Variants in BRCA2 observed in about 807,000 individuals in gnomAD.
The protein encoded by BRCA2 is BRCA2 DNA repair associated.
In BRCA2, 203 loss-of-function variants were observed where a neutral mutation model predicts 276.7. The ratio of observed to expected loss-of-function variants is 0.73; its 90% CI spans 0.65 to 0.82. The LOEUF is 0.82. Ranked by LOEUF, BRCA2 falls within the 40% of genes least tolerant of loss-of-function variation. The pLI, the probability that BRCA2 is intolerant of heterozygous loss-of-function variation, is 0.00. For missense variants in BRCA2, 3,920 were observed against 3,915.0 expected, an observed-to-expected ratio of 1.00 and a Z score of -0.03; for synonymous variants, 1,289 against 1,338.4, an observed-to-expected ratio of 0.96 and a Z score of 0.81.
chr13:32,331,175 C>T, intron 9 of BRCA2, 145 bp downstream of exon 9: 5 of 656,206 alleles, frequency 7.6e-6, no homozygotes, highest in Non-Finnish European at 1.4e-5. Context: ...CCTGCCTCAG[C>T]TTGCCAAGTA....
intron 25 of BRCA2, chr13:32,395,978 T>C (rs1442215183): frequency 1.5e-5 from 4 of 260,110 alleles, no homozygotes; most frequent in South Asian, 6.9e-5. Context: ...TTTTTTTTTT[T>C]TTTTTTTTTT....
chr13:32,391,349 G>A (rs1042385490), intron 24 of BRCA2, among the ~76,000 whole-genome samples: 2 of 152,196 alleles, frequency 1.3e-5, no homozygotes, highest in South Asian at 2.1e-4. Context: ...GTCCCACAGG[G>A]ACTTCTGGAG....
chr13:32,335,675 T>TA (rs1397519907), intron 10 of BRCA2, among the ~76,000 whole-genome samples: 1 of 152,174 alleles, frequency 6.6e-6, no homozygotes, highest in African/African-American at 2.4e-5. Context: ...GAGTTTTTTT[T>TA]ATGGTAGCTA....
intron 24 of BRCA2, among the ~76,000 whole-genome samples, chr13:32,390,806 C>A (rs939011429): frequency 6.6e-6 from 1 of 152,192 alleles, no homozygotes; most frequent in Non-Finnish European, 1.5e-5. Context: ...GTTTGGATTT[C>A]TACTTCCACT....
In BRCA2 at chr13:32,379,381, A is replaced by G. The variant is rs200157227; in HGVS notation, c.8819A>G (p.Lys2940Arg). The G allele has an allele frequency of 6.2e-7, 1 of 1,613,952 alleles. No homozygotes were observed. Among genetic ancestry groups the G allele is most frequent in the Non-Finnish European group, 8.5e-7 (1 of 1,179,898 alleles). ...CACAGGCAAATGTTGAATGATAAGAAACAAGCTCAGATCCAGTTGGAAATT... is the reference window on the plus strand; with the variant it reads ...CACAGGCAAATGTTGAATGATAAGAGACAAGCTCAGATCCAGTTGGAAATT... ...NNHRQMLNDKKQAQIQLEIRK... is the reference protein window; with the variant it reads ...NNHRQMLNDKRQAQIQLEIRK... The change falls in exon 22 of 27, where the codon AAA (lysine) becomes AGA (arginine). Residue 2940 changes from lysine (K) to arginine (R), a missense_variant. Physicochemically the swap from Lys to Arg is conservative, Grantham distance 26. Transcript: ENST00000380152.
intron 21 of BRCA2, 133 bp from the exon 22 acceptor site, chr13:32,379,184 T>C (rs1051395486): frequency 2.6e-6 from 2 of 771,682 alleles, no homozygotes; most frequent in African/African-American, 3.5e-5. Context: ...TGTGAGAAAC[T>C]GATTACATTA....
chr13:32,326,762 A>G, intron 7 of BRCA2, 149 bp downstream of exon 7: 1 of 655,378 alleles, frequency 1.5e-6, no homozygotes, highest in Non-Finnish European at 2.6e-6. Context: ...ATTTTATTCT[A>G]TTAAGTGTAG....
intron 11 of BRCA2, 134 bp from the exon 12 acceptor site, chr13:32,344,424 C>G: frequency 1.7e-6 from 1 of 603,424 alleles, no homozygotes; most frequent in Non-Finnish European, 3.0e-6. Context: ...CATTAGGTCA[C>G]TATTTGTTGT....
At chr13:32,342,979 G>A (rs1053746556) in intron 11 of BRCA2, among the ~76,000 whole-genome samples, 3 of 151,938 alleles carry the variant, frequency 2.0e-5, no homozygotes, top group Non-Finnish European at 4.4e-5. Flanking sequence ...AACCCTGGAG[G>A]CAGAGATTTC....
At chr13:32,387,513 C>T (rs1566256369) in intron 24 of BRCA2, among the ~76,000 whole-genome samples, 3 of 152,052 alleles carry the variant, frequency 2.0e-5, no homozygotes, top group Admixed American at 6.6e-5. Context: ...CTTAGCAGAC[C>T]GCAAAAGGGA....
rs555613957 is a variant in BRCA2 at position 32,323,183 on chromosome 13, C to T, written c.317-1893C>T. ...TTTTTTTTTTTTGGAGATGAAATCT[C>T]GCTTTGTCGCCCAGGCTGGAGTGCA... On this transcript the variant is annotated intron_variant, in intron 3 of 26. Coordinates refer to ENST00000380152, the MANE Select transcript of BRCA2 (RefSeq NM_000059.4). Among the ~76,000 whole-genome samples the T allele has an allele frequency of 8.7e-4, 124 of 142,026 alleles. 1 individual carries two copies. Among genetic ancestry groups the T allele is most frequent in the Non-Finnish European group, 1.3e-3 (85 of 66,028 alleles). The allele number at this position is 142,026 out of a possible 152,430, so 93.2% of individuals were successfully genotyped here.
In BRCA2 at chr13:32,363,476, G is replaced by C. The variant is rs770137271; in HGVS notation, c.8274G>C (p.Leu2758=). The C allele has an allele frequency of 3.7e-6, 6 of 1,614,072 alleles. No individual in the cohort carries two copies. In the South Asian group the frequency reaches 6.6e-5, roughly 18 times the overall value. ...AGATTATTCTTCATGGAGCAGAACT[G>C]GTGGGCTCTCCTGATGCCTGTACAC... The part of the protein sequence containing the change: ...GQKIILHGAE[L]VGSPDACTPL... The change falls in exon 18 of 27, where the codon CTG becomes CTC. Residue 2758 remains leucine (L), a synonymous_variant. Coordinates refer to ENST00000380152, the MANE Select transcript of BRCA2 (RefSeq NM_000059.4).
In BRCA2 at chr13:32,339,172, C is replaced by T. The variant is rs876659853; in HGVS notation, c.4817C>T (p.Ser1606Phe). 1 of 1,613,830 alleles carries T rather than the reference C, an allele frequency of 6.2e-7. No individual in the cohort carries two copies. The highest frequency in any genetic ancestry group is 8.5e-7 in the Non-Finnish European group (1 of 1,179,822). Residue 1606 changes from serine to phenylalanine, a missense_variant, in exon 11 of 27, where the codon TCT becomes TTT. Physicochemically the swap from Ser to Phe is radical, Grantham distance 155. Coordinates refer to ENST00000380152, the MANE Select transcript of BRCA2 (RefSeq NM_000059.4). ...CTCAATAATGATAAAAACCTTGTTTCTATTGAGACTGTGGTGCCACCTAAG... is the reference window on the plus strand; with the variant it reads ...CTCAATAATGATAAAAACCTTGTTTTTATTGAGACTGTGGTGCCACCTAAG... ...NSLNNDKNLV[S>F]IETVVPPKLL...
chr13:32,326,269 C>A lies in BRCA2; in HGVS notation c.503C>A (p.Pro168Gln), dbSNP rs2137450523. The change falls in exon 6 of 27, where the codon CCA becomes CAA. Residue 168 changes from proline (P) to glutamine (Q), a missense_variant. By Grantham distance (76) the Pro-to-Gln change is moderately conservative. Transcript: ENST00000380152. ...GTATGTGGGAGTTTGTTTCATACACCAAAGTTTGTGAAGGTAAATATTCTA... is the reference window on the plus strand; with the variant it reads ...GTATGTGGGAGTTTGTTTCATACACAAAAGTTTGTGAAGGTAAATATTCTA... ...SVVCGSLFHT[P>Q]KFVKGRQTPK... 3 of 1,613,140 alleles carry A rather than the reference C, an allele frequency of 1.9e-6. No individual in the cohort carries two copies. The highest frequency in any genetic ancestry group is 2.5e-6 in the Non-Finnish European group (3 of 1,179,364).
rs1566233504 is a variant in BRCA2 at position 32,340,266 on chromosome 13, T to C, written c.5911T>C (p.Ser1971Pro). Reference sequence around the variant, plus strand: ...AGGGAAGCTTCATAAGTCAGTCTCATCTGCAAATACTTGTGGGATTTTTAG... The same window carrying C: ...AGGGAAGCTTCATAAGTCAGTCTCACCTGCAAATACTTGTGGGATTTTTAG... ...SIGKLHKSVS[S>P]ANTCGIFSTA... Residue 1971 changes from serine to proline, a missense_variant, in exon 11 of 27, where the codon TCT (serine) becomes CCT (proline). Around this residue, in one of 2 missense-constraint regions of BRCA2, gnomAD observed 3,263 missense variants for 3,156.9 expected, o/e 1.03. Coordinates refer to ENST00000380152, the MANE Select transcript of BRCA2 (RefSeq NM_000059.4). The C allele has an allele frequency of 6.2e-7, 1 of 1,614,048 alleles. No individual in the cohort carries two copies. The highest frequency in any genetic ancestry group is 8.5e-7 in the Non-Finnish European group (1 of 1,179,912).
chr13:32,399,673 C>T lies in BRCA2; in HGVS notation c.*903C>T, dbSNP rs532274741. 4 of 174,720 alleles carry T rather than the reference C, an allele frequency of 2.3e-5. No individual in the cohort carries two copies. The highest frequency in any genetic ancestry group is 4.7e-5 in the African/African-American group (2 of 42,248). 10.8% of individuals were successfully genotyped at this position (174,720 alleles called of 1,614,324 possible). The stretch of plus-strand genomic sequence containing the variant: ...TCTTGCTTTCAAATTGGCACTGATT[C>T]TGCCTGCTTTATTTTTAGCGCTATC... On this transcript the variant is annotated 3_prime_UTR_variant, in exon 27 of 27. Coordinates refer to ENST00000380152, the MANE Select transcript of BRCA2 (RefSeq NM_000059.4).
chr13:32,370,874 T>G (rs917261229), intron 19 of BRCA2, 82 bp from the exon 20 acceptor site: 1 of 1,551,934 alleles, frequency 6.4e-7, no homozygotes, highest in African/African-American at 1.4e-5. Flanking sequence ...ATTACAGATG[T>G]GAGCCACTGT....
chr13:32,344,690 T>C (rs2137537645), intron 12 of BRCA2, 37 bp downstream of exon 12: 1 of 1,378,152 alleles, frequency 7.3e-7, no homozygotes. Flanking sequence ...GTTCTCCCTC[T>C]ATAGGTATGG....
In BRCA2 at chr13:32,339,207, G is replaced by A. The variant is rs2072514226; in HGVS notation, c.4852G>A (p.Asp1618Asn). Reference protein sequence around the residue: ...ETVVPPKLLSDNLCRQTENLK... With the variant: ...ETVVPPKLLSNNLCRQTENLK... The stretch of plus-strand genomic sequence containing the variant: ...TGTGGTGCCACCTAAGCTCTTAAGT[G>A]ATAATTTATGTAGACAAACTGAAAA... Residue 1618 changes from aspartate (D) to asparagine (N), a missense_variant, in exon 11 of 27, where the codon GAT becomes AAT. By Grantham distance (23) the Asp-to-Asn change is conservative. Around this residue, in one of 2 missense-constraint regions of BRCA2, gnomAD observed 3,263 missense variants for 3,156.9 expected, o/e 1.03. Transcript: ENST00000380152. 1.2e-6 allele frequency: 2 copies of A among 1,613,336 alleles called. No individual in the cohort carries two copies. Among genetic ancestry groups the A allele is most frequent in the East Asian group, 2.2e-5 (1 of 44,872 alleles).
Sources: gnomAD v4.1 joint callset for allele counts (sites outside exome capture counted in the v4.1 genomes callset) on GRCh38, gnomAD v4.1.1 for gene constraint, gnomAD v4.1.1 regional missense constraint, MANE v1.5 for transcripts, NCBI Gene and HGNC (gene_info 2026-07-23, HGNC 2026-07-21) for gene names.